CROCC2: variants seen among roughly 807,000 people sequenced by gnomAD.
CROCC2 encodes ciliary rootlet coiled-coil protein 2.
In CROCC2, 163 loss-of-function variants were observed where a neutral mutation model predicts 177.6. The ratio of observed to expected loss-of-function variants is 0.92; its 90% CI spans 0.81 to 1.05. The LOEUF (loss-of-function observed/expected upper bound fraction) is 1.05. CROCC2 is among the 50% of genes least tolerant of loss of function. The probability of loss-of-function intolerance (pLI) is 0.00; values close to 1 mark genes in which losing one functional copy is unlikely to be tolerated. For missense variants in CROCC2, 1,929 were observed against 1,797.8 expected (o/e 1.07, Z -1.32); for synonymous variants, 904 against 787.3 (o/e 1.15, Z -2.48).
rs67445800 is a variant in CROCC2 at position 240,982,242 on chromosome 2, GA to G, written c.4402-635del. 30,268 of 152,026 alleles carry G rather than the reference GA, an allele frequency of 0.2. 3,468 individuals are homozygous for G. The highest frequency in any genetic ancestry group is 0.38 in the East Asian group (1,926 of 5,110). 9.4% of individuals were successfully genotyped at this position (152,026 alleles called of 1,614,324 possible). On this transcript the variant is annotated intron_variant, in intron 27 of 31. Transcript: ENST00000690015. This position sits in a 1 kb window ranked among gnomAD's most constrained non-coding sequence, Gnocchi z 4.7. ...TGGGGTAGCACCTGGGGACAGTGAG[GA>G]AACTGAAGGGCTGTCACTGGTCCCA...
At chr2:240,929,411 G>T (rs554386258) in intron 5 of CROCC2, among the ~76,000 whole-genome samples, 1 of 152,096 alleles carries the variant, frequency 6.6e-6, no homozygotes, top group Non-Finnish European at 1.5e-5. Context: ...TGAGTGCAGG[G>T]CCTAGAAGGT....
chr2:240,909,300 C>G (rs369427108), intron 1 of CROCC2, among the ~76,000 whole-genome samples: 156 of 101,244 alleles, frequency 1.5e-3, no homozygotes, highest in African/African-American at 5.6e-3. Context: ...CCTCGGGTGA[C>G]CTCTACCTCC....
At chr2:240,944,150 C>T (rs1422670324) in intron 14 of CROCC2, among the ~76,000 whole-genome samples, 1 of 152,224 alleles carries the variant, frequency 6.6e-6, no homozygotes, top group Non-Finnish European at 1.5e-5. Context: ...ATTCCATCAT[C>T]TTCTGGCCTT....
At position 240,955,916 on chromosome 2, in the gene CROCC2, A is replaced by G; in HGVS notation, c.2887A>G (p.Arg963Gly). Reference protein sequence around the residue: ...SLLSEELSRARRTLERVQQEA... With the variant: ...SLLSEELSRAGRTLERVQQEA... ...TCTGAGTGAGGAGCTCTCCAGGGCCAGGAGGACGCTAGAGCGGGTACAGCA... is the reference window on the plus strand; with the variant it reads ...TCTGAGTGAGGAGCTCTCCAGGGCCGGGAGGACGCTAGAGCGGGTACAGCA... The change falls in exon 19 of 32, where the codon AGG becomes GGG. Residue 963 changes from arginine to glycine, a missense_variant. Physicochemically the swap from Arg to Gly is moderately radical, Grantham distance 125. Transcript: ENST00000690015. 1 of 1,534,970 alleles carries G rather than the reference A, an allele frequency of 6.5e-7. No individual in the cohort carries two copies. Among genetic ancestry groups the G allele is most frequent in the Non-Finnish European group, 8.7e-7 (1 of 1,146,910 alleles).
rs2059449711 is a variant in CROCC2 at position 240,933,836 on chromosome 2, A to G, written c.1630A>G (p.Arg544Gly). 1 of 1,546,340 alleles carries G rather than the reference A, an allele frequency of 6.5e-7. No individual in the cohort carries two copies. The highest frequency in any genetic ancestry group is 2.0e-5 in the Admixed American group (1 of 50,948). ...GGCTCTGCGGAGGGAGCGGAGCTGC[A>G]GGGCACTGGAGACCAGGTGCGCGGC... ...ELALRRERSC[R>G]ALETSQGRLQ... The change falls in exon 11 of 32, where the codon AGG (arginine) becomes GGG (glycine). Residue 544 changes from arginine (R) to glycine (G), a missense_variant. Physicochemically the swap from Arg to Gly is moderately radical, Grantham distance 125. This residue lies in a region of CROCC2 where 1,397 missense variants were observed against 1,239.9 expected (regional missense o/e 1.13). Coordinates refer to ENST00000690015, the MANE Select transcript of CROCC2 (RefSeq NM_001351305.2).
rs2059736264 is a variant in CROCC2 at position 240,973,421 on chromosome 2, A to G, written c.4401+5159A>G. On this transcript the variant is annotated intron_variant, in intron 27 of 31. Transcript: ENST00000690015. This position sits in a 1 kb window ranked among gnomAD's most constrained non-coding sequence, Gnocchi z 4.7. ...ATCACCCACAGCCTCATGCCCGCTCAGAAAGGCCCCCCATGCCACCCTTGG... is the reference window on the plus strand; with the variant it reads ...ATCACCCACAGCCTCATGCCCGCTCGGAAAGGCCCCCCATGCCACCCTTGG... Among the ~76,000 whole-genome samples, 1 of 149,604 alleles carries G rather than the reference A, an allele frequency of 6.7e-6. No individual in the cohort carries two copies. Among genetic ancestry groups the G allele is most frequent in the South Asian group, 2.1e-4 (1 of 4,776 alleles).
At chr2:240,985,859 G>GC (rs76360664) in intron 28 of CROCC2, 21,974 of 428,740 alleles carry the variant, frequency 0.051, 2,508 homozygotes, top group East Asian at 0.29. Flanking sequence ...GGGTCTCACT[G>GC]CCCCCCACAG....
At chr2:240,961,088 GA>G (rs1431344678) in intron 20 of CROCC2, among the ~76,000 whole-genome samples, 2 of 152,096 alleles carry the variant, frequency 1.3e-5, no homozygotes, top group Non-Finnish European at 1.5e-5. Context: ...AGGGGGACAA[GA>G]GGAACAATCA....
In CROCC2 at chr2:240,929,060, C is replaced by A. The variant is rs1203082956; in HGVS notation, c.646-1106C>A. Among the ~76,000 whole-genome samples the A allele has an allele frequency of 2.0e-5, 3 of 151,454 alleles. No homozygotes were observed. The East Asian group carries it at 5.8e-4, about 29-fold the overall frequency. On this transcript the variant is annotated intron_variant, in intron 5 of 31. Coordinates refer to ENST00000690015, the MANE Select transcript of CROCC2 (RefSeq NM_001351305.2). Reference sequence around the variant, plus strand: ...GGCATGCCCTCTGGAGGGTGTACAGCCAGGTGGAATGGACACAGAGGGATG... The same window carrying A: ...GGCATGCCCTCTGGAGGGTGTACAGACAGGTGGAATGGACACAGAGGGATG...
At chr2:240,930,690 A>G (rs374003714) in intron 6 of CROCC2, among the ~76,000 whole-genome samples, 39 of 152,148 alleles carry the variant, frequency 2.6e-4, no homozygotes, top group Middle Eastern at 3.4e-3. Flanking sequence ...GGGGGCTCAG[A>G]GGGTCGATGA....
intron 28 of CROCC2, chr2:240,983,453 GGCGGGCAGGAGGCGGC>G: frequency 8.0e-7 from 1 of 1,256,376 alleles, no homozygotes; most frequent in South Asian, 1.3e-5. Flanking sequence ...GAGGCTCAGC[GGCGGGCAGGAGGCGGC>G]CGAGGCGCAG....
Position 240,958,885 on chromosome 2 carries a change from T to C in CROCC2, c.2944-416T>C, listed in dbSNP as rs1185189065. On this transcript the variant is annotated intron_variant, in intron 19 of 31. Coordinates refer to ENST00000690015, the MANE Select transcript of CROCC2 (RefSeq NM_001351305.2). This position sits in a 1 kb window ranked among gnomAD's most constrained non-coding sequence, Gnocchi z 6.7. Reference sequence around the variant, plus strand: ...GGCCTCCTGGCCCGAGGATCCCTGCTGGCCACACTGCCCCAAGGCCCGAGA... The same window carrying C: ...GGCCTCCTGGCCCGAGGATCCCTGCCGGCCACACTGCCCCAAGGCCCGAGA... 6.6e-6 allele frequency among the ~76,000 whole-genome samples: 1 copy of C among 152,256 alleles called. No individual in the cohort carries two copies. The highest frequency in any genetic ancestry group is 1.9e-4 in the East Asian group (1 of 5,154).
At chr2:240,988,696 C>T in intron 28 of CROCC2, 43 bp from the exon 29 acceptor site, 2 of 1,339,784 alleles carry the variant, frequency 1.5e-6, no homozygotes, top group South Asian at 2.1e-5. Flanking sequence ...GACCTCACTC[C>T]CTGCCAGGAG....
intron 3 of CROCC2, among the ~76,000 whole-genome samples, chr2:240,920,890 A>G (rs1474915044): frequency 6.6e-6 from 1 of 152,220 alleles, no homozygotes; most frequent in African/African-American, 2.4e-5. Flanking sequence ...GGACTTGGCA[A>G]GGAGCCAGTG....
chr2:240,906,913 G>A (rs1445222814), intron 1 of CROCC2, among the ~76,000 whole-genome samples: 1 of 149,448 alleles, frequency 6.7e-6, no homozygotes, highest in Non-Finnish European at 1.5e-5. Flanking sequence ...GCCCGGGGCC[G>A]CTGCTGGCTG....
chr2:240,961,901 CGTA>C (rs1559606399), intron 20 of CROCC2, among the ~76,000 whole-genome samples: 1 of 147,460 alleles, frequency 6.8e-6, no homozygotes, highest in African/African-American at 2.5e-5. Flanking sequence ...TACACACACA[CGTA>C]GTGCATGCAC....
chr2:240,938,405 T>C (rs2059481203), intron 14 of CROCC2, among the ~76,000 whole-genome samples: 1 of 152,256 alleles, frequency 6.6e-6, no homozygotes, highest in Non-Finnish European at 1.5e-5. Flanking sequence ...GATTTGTTGA[T>C]CTGTGCAAGT....
chr2:240,936,913 C>T (rs59019897), intron 14 of CROCC2, among the ~76,000 whole-genome samples: 4,297 of 152,222 alleles, frequency 0.028, 143 homozygotes, highest in East Asian at 0.16. Flanking sequence ...TGCTGGGAGG[C>T]GACTGATATG....
In CROCC2 at chr2:240,949,556, G is replaced by T. The variant is rs1203791747; in HGVS notation, c.2506G>T (p.Asp836Tyr). The change falls in exon 17 of 32, where the codon GAC (aspartate) becomes TAC (tyrosine). Residue 836 changes from aspartate to tyrosine, a missense_variant. By Grantham distance (160) the Asp-to-Tyr change is radical. Around this residue, in one of 3 missense-constraint regions of CROCC2, gnomAD observed 1,397 missense variants for 1,239.9 expected, o/e 1.13. Coordinates refer to ENST00000690015, the MANE Select transcript of CROCC2 (RefSeq NM_001351305.2). This position sits in a 1 kb window ranked among gnomAD's most constrained non-coding sequence, Gnocchi z 4.5. The part of the protein sequence containing the change: ...LQVEMEQLQS[D>Y]WEVQEMKLRQ... ...AGTGGAAATGGAGCAGCTACAAAGT[G>T]ACTGGGAGGTCCAGGAAATGAAGCT... The T allele has an allele frequency of 1.3e-6, 2 of 1,550,550 alleles. No individual in the cohort carries two copies. The highest frequency in any genetic ancestry group is 3.9e-5 in the Admixed American group (2 of 50,996).
Sources: gnomAD v4.1 joint callset for allele counts (sites outside exome capture counted in the v4.1 genomes callset) on GRCh38, gnomAD v4.1.1 for gene constraint, gnomAD v4.1.1 regional missense constraint, Gnocchi (gnomAD v3.1) non-coding constraint, MANE v1.5 for transcripts, NCBI Gene and HGNC (gene_info 2026-07-23, HGNC 2026-07-21) for gene names.